RALYL: variants seen among roughly 807,000 people sequenced by gnomAD.
The protein encoded by RALYL is RNA-binding Raly-like protein.
Under a neutral mutation model 35.1 loss-of-function variants are expected in RALYL, and 29 were observed. The observed-to-expected ratio is 0.83, with a 90% CI of 0.61 to 1.13. The LOEUF is 1.13. Ranked by LOEUF, RALYL falls within the 50% of genes most tolerant of loss-of-function variation. The pLI is 0.00. For synonymous variants in RALYL, 120 were observed against 127.6 expected (o/e 0.94, Z 0.40); for missense variants, 359 against 360.4 (o/e 1.00, Z 0.03).
rs563005681 is a variant in RALYL at position 84,758,287 on chromosome 8, T to C, written c.257-16292T>C. 4.6e-5 allele frequency among the ~76,000 whole-genome samples: 7 copies of C among 152,326 alleles called. No individual in the cohort carries two copies. The East Asian group carries it at 7.7e-4, about 17-fold the overall frequency. ...TTGGTGGAAAGGAGTAATACCTGAT[T>C]AGTACTTTTTCTTTTTCTTACTATT... On this transcript the variant is annotated intron_variant, in intron 2 of 8. Transcript: ENST00000521268.
At chr8:84,615,695 C>T (rs1282076749) in intron 2 of RALYL, among the ~76,000 whole-genome samples, 1 of 138,204 alleles carries the variant, frequency 7.2e-6, no homozygotes, top group Admixed American at 7.3e-5. Flanking sequence ...GCTGCACCCA[C>T]TAACTCGTCA....
chr8:84,347,102 G>T (rs962717250), intron 1 of RALYL, among the ~76,000 whole-genome samples: 1 of 152,008 alleles, frequency 6.6e-6, no homozygotes, highest in Non-Finnish European at 1.5e-5. Context: ...CTGGGAGGCT[G>T]AGGCAGGAGA....
chr8:84,768,211 T>C (rs1814576732), intron 2 of RALYL, among the ~76,000 whole-genome samples: 1 of 152,028 alleles, frequency 6.6e-6, no homozygotes, highest in African/African-American at 2.4e-5. Flanking sequence ...GACCACAGAG[T>C]TACTGCTAGG....
At chr8:84,347,404 C>T (rs1004271599) in intron 1 of RALYL, among the ~76,000 whole-genome samples, 2 of 151,968 alleles carry the variant, frequency 1.3e-5, no homozygotes, top group African/African-American at 4.8e-5. Flanking sequence ...GTATCTCTGA[C>T]CTCAACTATG....
chr8:84,707,119 C>G (rs1160309821), intron 2 of RALYL, among the ~76,000 whole-genome samples: 1 of 151,990 alleles, frequency 6.6e-6, no homozygotes, highest in African/African-American at 2.4e-5. Flanking sequence ...CTGTTTTCAC[C>G]TAAGATCTGA....
intron 1 of RALYL, among the ~76,000 whole-genome samples, chr8:84,477,069 A>T (rs1029368150): frequency 1.8e-4 from 28 of 152,246 alleles, no homozygotes; most frequent in African/African-American, 6.7e-4. Flanking sequence ...AAATCATGCT[A>T]TGAGGCTTTC....
intron 1 of RALYL, among the ~76,000 whole-genome samples, chr8:84,358,456 A>G (rs1291538494): frequency 6.6e-6 from 1 of 151,948 alleles, no homozygotes; most frequent in Non-Finnish European, 1.5e-5. Context: ...GAATACATGA[A>G]ACGATGTTGT....
intron 1 of RALYL, among the ~76,000 whole-genome samples, chr8:84,426,083 A>G (rs2046398377): frequency 6.6e-6 from 1 of 152,154 alleles, no homozygotes; most frequent in South Asian, 2.1e-4. Flanking sequence ...TATTTAATGA[A>G]ATGTATTATT....
intron 3 of RALYL, among the ~76,000 whole-genome samples, chr8:84,790,249 A>G (rs1040166083): frequency 1.3e-5 from 2 of 152,246 alleles, no homozygotes; most frequent in Non-Finnish European, 2.9e-5. Context: ...TTAGAACTTA[A>G]GAGCCAAGAC....
chr8:84,916,250 TTTATC>T (rs1175610138), intron 8 of RALYL, among the ~76,000 whole-genome samples: 4 of 152,180 alleles, frequency 2.6e-5, no homozygotes, highest in African/African-American at 9.6e-5. Flanking sequence ...ATAAGATTGA[TTTATC>T]TTATATCACA....
chr8:84,300,516 C>G (rs756814584), intron 1 of RALYL, among the ~76,000 whole-genome samples: 17 of 151,916 alleles, frequency 1.1e-4, no homozygotes, highest in Admixed American at 2.6e-4. Flanking sequence ...CGTTGGGGAT[C>G]TAATAATACT....
intron 2 of RALYL, among the ~76,000 whole-genome samples, chr8:84,625,918 T>C (rs549837598): frequency 6.6e-6 from 1 of 152,220 alleles, no homozygotes; most frequent in African/African-American, 2.4e-5. Context: ...GTTGTCATTG[T>C]GGTTGTGGTT....
intron 4 of RALYL, among the ~76,000 whole-genome samples, chr8:84,840,459 G>A (rs895571316): frequency 2.6e-5 from 4 of 152,154 alleles, no homozygotes; most frequent in Non-Finnish European, 5.9e-5. Context: ...AAGTAATATG[G>A]GACTATGTGA....
chr8:84,658,413 A>G (rs1830330997), intron 2 of RALYL, among the ~76,000 whole-genome samples: 1 of 152,208 alleles, frequency 6.6e-6, no homozygotes, highest in Non-Finnish European at 1.5e-5. Context: ...GAAATTTATC[A>G]TTCTTCAGTT....
chr8:84,401,718 A>G (rs1038623642), intron 1 of RALYL, among the ~76,000 whole-genome samples: 3 of 151,012 alleles, frequency 2.0e-5, no homozygotes, highest in African/African-American at 7.3e-5. Flanking sequence ...GTTAAACATC[A>G]TGCAGTACAT....
At chr8:84,508,532 T>C (rs2057357803) in intron 1 of RALYL, among the ~76,000 whole-genome samples, 1 of 152,010 alleles carries the variant, frequency 6.6e-6, no homozygotes, top group African/African-American at 2.4e-5. Flanking sequence ...TTGAGTGCTA[T>C]ATAAATATAA....
Position 84,700,208 on chromosome 8 carries a change from G to A in RALYL, c.257-74371G>A, listed in dbSNP as rs1269014054. On this transcript the variant is annotated intron_variant, in intron 2 of 8. Transcript: ENST00000521268. ...AAAGAGAAGCAACAAAAGCAAGAAT[G>A]CTAAAAAACAATTACCACTAAGGAG... Among the ~76,000 whole-genome samples, 6 of 151,876 alleles carry A rather than the reference G, an allele frequency of 4.0e-5. No homozygotes were observed. The South Asian group carries it at 6.2e-4, about 16-fold the overall frequency.
At chr8:84,853,835 T>G (rs893197933) in intron 5 of RALYL, among the ~76,000 whole-genome samples, 4 of 151,316 alleles carry the variant, frequency 2.6e-5, no homozygotes. Flanking sequence ...GCATTTGTGT[T>G]TTCTTTTTCT....
At chr8:84,314,464 T>C (rs1222666193) in intron 1 of RALYL, among the ~76,000 whole-genome samples, 1 of 151,918 alleles carries the variant, frequency 6.6e-6, no homozygotes, top group Admixed American at 6.6e-5. Flanking sequence ...TATATTTATG[T>C]ATAAAAATAT....
Sources: allele counts gnomAD v4.1 joint callset (sites outside exome capture counted in the v4.1 genomes callset), GRCh38; gene constraint gnomAD v4.1.1; transcripts MANE v1.5; gene names NCBI Gene and HGNC (gene_info 2026-07-23, HGNC 2026-07-21).